Variants in ZFAND3 observed in about 807,000 individuals in gnomAD.
ZFAND3 encodes the protein AN1-type zinc finger protein 3.
Under a neutral mutation model 29.6 loss-of-function variants are expected in ZFAND3, and 10 were observed. The ratio of observed to expected loss-of-function variants is 0.34; its 90% confidence interval spans 0.21 to 0.57. The LOEUF (loss-of-function observed/expected upper bound fraction) is 0.57. Among genes scored for constraint, ZFAND3 ranks in the 20% least tolerant of loss-of-function variants. The probability of loss-of-function intolerance (pLI) is 0.86; values close to 1 mark genes in which losing one functional copy is unlikely to be tolerated. For missense variants in ZFAND3, 230 were observed against 304.5 expected, an observed-to-expected ratio of 0.76 and a Z score of 1.82; for synonymous variants, 128 against 112.6, an observed-to-expected ratio of 1.14 and a Z score of -0.87.
At chr6:38,025,806 G>A (rs1177781665) in intron 2 of ZFAND3, among the ~76,000 whole-genome samples, 4 of 152,172 alleles carry the variant, frequency 2.6e-5, no homozygotes, top group Non-Finnish European at 5.9e-5. Flanking sequence ...TATATGAAAT[G>A]TCCAAAATAG....
chr6:37,897,995 C>G (rs1038672322), intron 1 of ZFAND3, among the ~76,000 whole-genome samples: 2 of 152,134 alleles, frequency 1.3e-5, no homozygotes, highest in Non-Finnish European at 2.9e-5. Context: ...CTGTGGTTGA[C>G]TTTTTTATTC....
chr6:38,094,097 A>G (rs147980910), intron 4 of ZFAND3, among the ~76,000 whole-genome samples: 25 of 152,296 alleles, frequency 1.6e-4, no homozygotes, highest in Non-Finnish European at 2.9e-5. Flanking sequence ...GACAAGATGA[A>G]CTAGGGAGTT....
At chr6:38,137,900 G>C (rs775902286) in intron 5 of ZFAND3, among the ~76,000 whole-genome samples, 3 of 152,208 alleles carry the variant, frequency 2.0e-5, no homozygotes, top group Admixed American at 2.0e-4. Context: ...GAGTGGAGAC[G>C]CAGCAGGGAT....
rs1165917870 is a variant in ZFAND3 at position 38,144,210 on chromosome 6, T to TATAA, written c.530-8024_530-8023insTAAA. Among the ~76,000 whole-genome samples, 31 of 37,062 alleles carry TATAA rather than the reference T, an allele frequency of 8.4e-4. 1 individual carries two copies. Among genetic ancestry groups the TATAA allele is most frequent in the South Asian group, 3.3e-3 (6 of 1,804 alleles). The allele number at this position is 37,062 out of a possible 152,430, so 24.3% of individuals were successfully genotyped here. A position where few individuals can be genotyped will look rare whatever the true frequency, so the allele number is the denominator to read the frequency against. Reference sequence around the variant, plus strand: ...ATATATATATATATATATATATATATAATATATAATATATATATATATTTT... The same window carrying TATAA: ...ATATATATATATATATATATATATATATAAAATATATAATATATATATATATTTT... On this transcript the variant is annotated intron_variant, in intron 5 of 5. Coordinates refer to ENST00000287218, the MANE Select transcript of ZFAND3 (RefSeq NM_021943.3).
At chr6:38,140,191 A>G (rs1181574515) in intron 5 of ZFAND3, among the ~76,000 whole-genome samples, 1 of 152,172 alleles carries the variant, frequency 6.6e-6, no homozygotes, top group Non-Finnish European at 1.5e-5. Flanking sequence ...ATACACAGAT[A>G]TGGAGCTCCA....
At chr6:38,120,667 C>G (rs1310053062) in intron 5 of ZFAND3, among the ~76,000 whole-genome samples, 1 of 152,120 alleles carries the variant, frequency 6.6e-6, no homozygotes, top group Non-Finnish European at 1.5e-5. Flanking sequence ...GCTAGAACTG[C>G]AGAACTAATT....
At chr6:37,852,957 T>A (rs957519874) in intron 1 of ZFAND3, among the ~76,000 whole-genome samples, 1 of 152,182 alleles carries the variant, frequency 6.6e-6, no homozygotes, top group African/African-American at 2.4e-5. Context: ...TCACTATAGA[T>A]GTCTTTGTGA....
At chr6:38,146,808 GAT>G (rs774856169) in intron 5 of ZFAND3, among the ~76,000 whole-genome samples, 65 of 152,172 alleles carry the variant, frequency 4.3e-4, no homozygotes, top group Non-Finnish European at 7.2e-4. Context: ...AGCACCAAAT[GAT>G]ATATAGCTGT....
chr6:38,024,945 T>C (rs1425772327), intron 2 of ZFAND3, among the ~76,000 whole-genome samples: 1 of 152,182 alleles, frequency 6.6e-6, no homozygotes, highest in Admixed American at 6.5e-5. Context: ...TTTAAAATGG[T>C]TTATTTTATG....
intron 1 of ZFAND3, among the ~76,000 whole-genome samples, chr6:37,905,050 T>C (rs1402332669): frequency 1.3e-5 from 2 of 152,148 alleles, no homozygotes; most frequent in Non-Finnish European, 2.9e-5. Context: ...AATGAATCAA[T>C]GCAAAGATTC....
At position 37,919,018 on chromosome 6, in the gene ZFAND3, A is replaced by G. The variant is rs562182991; in HGVS notation, c.72-10941A>G. Among the ~76,000 whole-genome samples the G allele has an allele frequency of 3.2e-3, 444 of 140,942 alleles. 2 individuals are homozygous for G. The highest frequency in any genetic ancestry group is 0.011 in the African/African-American group (420 of 36,564). The allele number at this position is 140,942 out of a possible 152,430, so 92.5% of individuals were successfully genotyped here. A position where few individuals can be genotyped will look rare whatever the true frequency, so the allele number is the denominator to read the frequency against. On this transcript the variant is annotated intron_variant, in intron 1 of 5. Transcript: ENST00000287218. Reference sequence around the variant, plus strand: ...GCCCAGGCTGGAGTGCAGTGGCGCAATCTTGGCTCACTGCAACCTCCGACT... The same window carrying G: ...GCCCAGGCTGGAGTGCAGTGGCGCAGTCTTGGCTCACTGCAACCTCCGACT...
chr6:37,860,241 AG>A (rs1168920543), intron 1 of ZFAND3, among the ~76,000 whole-genome samples: 1 of 147,586 alleles, frequency 6.8e-6, no homozygotes, highest in East Asian at 2.0e-4. Context: ...AAGAAGTGGC[AG>A]TTTTATGGAG....
chr6:38,124,666 CCG>C (rs774245767), intron 5 of ZFAND3, among the ~76,000 whole-genome samples: 1 of 152,206 alleles, frequency 6.6e-6, no homozygotes, highest in Non-Finnish European at 1.5e-5. Flanking sequence ...CCCATAAGCG[CCG>C]CGCGCAGCCC....
chr6:37,928,353 T>TGGGAATGGAGTTGCTG (rs1350622088), intron 1 of ZFAND3, among the ~76,000 whole-genome samples: 2 of 152,094 alleles, frequency 1.3e-5, no homozygotes, highest in Non-Finnish European at 2.9e-5. Context: ...GCTCAAATCT[T>TGGGAATGGAGTTGCTG]GGGAATGGAG....
intron 5 of ZFAND3, among the ~76,000 whole-genome samples, chr6:38,148,546 T>C (rs1248388394): frequency 1.3e-5 from 2 of 152,340 alleles, no homozygotes; most frequent in African/African-American, 2.4e-5. Flanking sequence ...ACTGCTCATA[T>C]TGAAATTATG....
At chr6:37,881,605 G>C (rs1187443802) in intron 1 of ZFAND3, among the ~76,000 whole-genome samples, 1 of 152,092 alleles carries the variant, frequency 6.6e-6, no homozygotes, top group African/African-American at 2.4e-5. Context: ...AAAACAGCTG[G>C]GCTGCAGGAG....
At chr6:38,143,459 G>A (rs1766005109) in intron 5 of ZFAND3, among the ~76,000 whole-genome samples, 1 of 152,214 alleles carries the variant, frequency 6.6e-6, no homozygotes, top group Admixed American at 6.5e-5. Flanking sequence ...CTTTGCACAA[G>A]GCTTTTGTAT....
chr6:37,895,144 G>A (rs546689254), intron 1 of ZFAND3, among the ~76,000 whole-genome samples: 1 of 151,936 alleles, frequency 6.6e-6, no homozygotes, highest in East Asian at 1.9e-4. Context: ...CATATATTAA[G>A]CCTTTTAAAG....
intron 2 of ZFAND3, among the ~76,000 whole-genome samples, chr6:38,023,762 A>G (rs1763394932): frequency 6.6e-6 from 1 of 152,260 alleles, no homozygotes; most frequent in African/African-American, 2.4e-5. Context: ...AAAGTGATGT[A>G]TAATAATTTA....
Sources: allele counts gnomAD v4.1 joint callset (sites outside exome capture counted in the v4.1 genomes callset), GRCh38; gene constraint gnomAD v4.1.1; transcripts MANE v1.5; gene names NCBI Gene and HGNC (gene_info 2026-07-23, HGNC 2026-07-21).